Variants in USP24 observed in about 807,000 individuals in gnomAD.
The protein encoded by USP24 is ubiquitin carboxyl-terminal hydrolase 24.
A neutral mutation model predicts 361.6 loss-of-function variants in USP24; 97 were observed. The ratio of observed to expected loss-of-function variants is 0.27; its 90% confidence interval spans 0.23 to 0.32. The LOEUF (loss-of-function observed/expected upper bound fraction) is 0.32. Ranked by LOEUF, USP24 falls within the 10% of genes least tolerant of loss-of-function variation. The pLI, the probability that USP24 is intolerant of heterozygous loss-of-function variation, is 1.00. For missense variants in USP24, 2,353 were observed against 3,165.6 expected, an observed-to-expected ratio of 0.74 and a Z score of 6.16; for synonymous variants, 1,098 against 1,124.6, an observed-to-expected ratio of 0.98 and a Z score of 0.47.
At chr1:55,197,665 CTCTA>C (rs1214934703) in intron 1 of USP24, among the ~76,000 whole-genome samples, 3 of 152,160 alleles carry the variant, frequency 2.0e-5, no homozygotes, top group Non-Finnish European at 4.4e-5. Flanking sequence ...CTCAATGGAG[CTCTA>C]TCTAATTCTC....
chr1:55,129,908 C>A (rs1250850385), intron 31 of USP24, among the ~76,000 whole-genome samples: 1 of 152,150 alleles, frequency 6.6e-6, no homozygotes, highest in Admixed American at 6.5e-5. Context: ...AAGATATACA[C>A]CAAAGTTTTA....
In USP24 at chr1:55,147,654, G is replaced by T; in HGVS notation, c.2113C>A (p.Arg705=). 6.2e-7 allele frequency: 1 copy of T among 1,604,788 alleles called. No individual in the cohort carries two copies. The highest frequency in any genetic ancestry group is 8.5e-7 in the Non-Finnish European group (1 of 1,176,272). ...AAAAACACAAGGCCTGATACCTCCC[G>T]GTAAGTGTACCGGCCATCCACTAGT... ...STLVDGRYTY[R]EYLEAHLKFL... is the part of the protein sequence containing the mutation. The change falls in exon 18 of 68, where the codon CGG becomes AGG. Residue 705 remains arginine, a synonymous_variant. Transcript: ENST00000294383.
At chr1:55,124,713 T>A in intron 34 of USP24, 85 bp from the exon 35 acceptor site, 1 of 1,451,066 alleles carries the variant, frequency 6.9e-7, no homozygotes, top group Non-Finnish European at 9.4e-7. Context: ...GGTCTCAGTT[T>A]CATACGCCTC....
intron 1 of USP24, among the ~76,000 whole-genome samples, chr1:55,203,802 A>C (rs60238067): frequency 0.036 from 5,545 of 152,286 alleles, 323 homozygotes; most frequent in African/African-American, 0.13. Flanking sequence ...ATCATGAACC[A>C]ATTGTTTTAA....
intron 40 of USP24, among the ~76,000 whole-genome samples, chr1:55,106,923 A>G (rs1557567958): frequency 6.6e-6 from 1 of 152,260 alleles, no homozygotes; most frequent in Non-Finnish European, 1.5e-5. Flanking sequence ...GAAGACAGAC[A>G]GTAAATTATG....
In USP24 at chr1:55,072,321, G is replaced by A. The variant is rs762539433; in HGVS notation, c.7685C>T (p.Ala2562Val). Reference protein sequence around the residue: ...TGKTFQRTISAQDTLAYATAL... With the variant: ...TGKTFQRTISVQDTLAYATAL... ...AAAACAAGAGACAACTCTCACCTGA[G>A]CTGAAATGGTTCGCTGAAAGGTTTT... Residue 2562 changes from alanine to valine, a missense_variant, in exon 66 of 68, where the codon GCT (alanine) becomes GTT (valine). This residue lies in a region of USP24 where 8 missense variants were observed against 32.9 expected (regional missense o/e 0.24). Transcript: ENST00000294383. 1 of 1,613,336 alleles carries A rather than the reference G, an allele frequency of 6.2e-7. No homozygotes were observed.
intron 38 of USP24, among the ~76,000 whole-genome samples, chr1:55,111,675 A>AATATACAGCTGATGTC (rs774419105): frequency 6.6e-6 from 1 of 152,142 alleles, no homozygotes; most frequent in Non-Finnish European, 1.5e-5. Flanking sequence ...TATTACCATA[A>AATATACAGCTGATGTC]ATATACAGCT....
intron 58 of USP24, 91 bp from the exon 59 acceptor site, chr1:55,081,515 T>C: frequency 2.4e-6 from 3 of 1,233,668 alleles, no homozygotes; most frequent in African/African-American, 1.5e-5. Context: ...CATAATATTC[T>C]GGGCTTTAAT....
chr1:55,177,480 T>A (rs1650109355), intron 2 of USP24, among the ~76,000 whole-genome samples: 1 of 152,136 alleles, frequency 6.6e-6, no homozygotes. Flanking sequence ...ATTCATTTCA[T>A]AACTGAATTC....
chr1:55,161,599 AAAAT>A (rs1648292742), intron 8 of USP24, among the ~76,000 whole-genome samples: 1 of 152,188 alleles, frequency 6.6e-6, no homozygotes, highest in Non-Finnish European at 1.5e-5. Flanking sequence ...CTTATTTATA[AAAAT>A]AAATAAACAG....
In USP24 at chr1:55,193,075, C is replaced by T. The variant is rs576153155; in HGVS notation, c.325-14943G>A. Among the ~76,000 whole-genome samples the T allele has an allele frequency of 1.0e-3, 158 of 152,030 alleles. 1 individual carries two copies. The highest frequency in any genetic ancestry group is 3.5e-3 in the African/African-American group (147 of 41,478). On this transcript the variant is annotated intron_variant, in intron 1 of 67. Coordinates refer to ENST00000294383, the MANE Select transcript of USP24 (RefSeq NM_015306.3). Reference sequence around the variant, plus strand: ...TAGACATTTTTTTCTTGTCATTAGTCCTTAAATACATAGAAAGCAATGTAT... The same window carrying T: ...TAGACATTTTTTTCTTGTCATTAGTTCTTAAATACATAGAAAGCAATGTAT...
intron 1 of USP24, among the ~76,000 whole-genome samples, chr1:55,214,516 G>A (rs1261597377): frequency 1.3e-5 from 2 of 151,892 alleles, no homozygotes; most frequent in East Asian, 1.9e-4. Context: ...GGAAGCCTAA[G>A]GGACCCCTCC....
At position 55,154,235 on chromosome 1, in the gene USP24, T is replaced by C; in HGVS notation, c.1696A>G (p.Ser566Gly). The C allele has an allele frequency of 6.2e-7, 1 of 1,613,354 alleles. No homozygotes were observed. The highest frequency in any genetic ancestry group is 8.5e-7 in the Non-Finnish European group (1 of 1,179,570). Residue 566 changes from serine (S) to glycine (G), a missense_variant, in exon 15 of 68, where the codon AGT (serine) becomes GGT (glycine). Transcript: ENST00000294383. ...TCCAAGGCCTGCTGAATAAGGCTAC[T>C]GGGCAGGGTTGGAAGGTGAGCCAGT... ...WELAHLPTLP[S>G]SLIQQALEEH... is the part of the protein sequence containing the mutation.
intron 1 of USP24, among the ~76,000 whole-genome samples, chr1:55,186,090 G>C (rs992237834): frequency 6.6e-5 from 10 of 152,138 alleles, no homozygotes; most frequent in African/African-American, 2.4e-4. Flanking sequence ...CCCAGGACCA[G>C]ATGGCATCAC....
chr1:55,144,902 C>T (rs1405811285), intron 20 of USP24, among the ~76,000 whole-genome samples: 3 of 152,156 alleles, frequency 2.0e-5, no homozygotes, highest in East Asian at 3.8e-4. Context: ...CCACTGCACT[C>T]CAGCCTGGGC....
chr1:55,202,163 A>G (rs566340384), intron 1 of USP24, among the ~76,000 whole-genome samples: 2 of 152,262 alleles, frequency 1.3e-5, no homozygotes, highest in Admixed American at 6.5e-5. Flanking sequence ...TCATTAAAAT[A>G]TATAACCTAA....
In USP24 at chr1:55,096,986, C is replaced by A; in HGVS notation, c.5902G>T (p.Ala1968Ser). Reference protein sequence around the residue: ...GVIVHSGQAHAGHYYSFIKDR... With the variant: ...GVIVHSGQAHSGHYYSFIKDR... ...TTAATGAAGGAATAGTAGTGGCCTG[C>A]GTGTGCCTGCCCACTGTGTACGATG... The change falls in exon 49 of 68, where the codon GCA becomes TCA. Residue 1968 changes from alanine to serine, a missense_variant. Around this residue, in one of 8 missense-constraint regions of USP24, gnomAD observed 598 missense variants for 761.9 expected, o/e 0.78. Transcript: ENST00000294383. 6.2e-7 allele frequency: 1 copy of A among 1,613,842 alleles called. No individual in the cohort carries two copies. Among genetic ancestry groups the A allele is most frequent in the Non-Finnish European group, 8.5e-7 (1 of 1,179,848 alleles).
intron 11 of USP24, 77 bp downstream of exon 11, chr1:55,157,179 T>A: frequency 7.4e-7 from 1 of 1,354,760 alleles, no homozygotes; most frequent in Non-Finnish European, 1.0e-6. Flanking sequence ...AAAGCAACAA[T>A]TTTGTATACT....
chr1:55,163,221 G>C (rs2100771642), intron 7 of USP24, among the ~76,000 whole-genome samples: 1 of 151,806 alleles, frequency 6.6e-6, no homozygotes, highest in Non-Finnish European at 1.5e-5. Context: ...ACTTGAGGTG[G>C]GAGAACATTA....
Sources: allele counts gnomAD v4.1 joint callset (sites outside exome capture counted in the v4.1 genomes callset), GRCh38; gene constraint gnomAD v4.1.1; regional missense constraint gnomAD v4.1.1; transcripts MANE v1.5; gene names NCBI Gene and HGNC (gene_info 2026-07-23, HGNC 2026-07-21).